Variants in TANK observed in about 807,000 individuals in gnomAD.
The protein encoded by TANK is TRAF family member associated NFKB activator.
A neutral mutation model predicts 43.6 loss-of-function variants in TANK; 15 were observed. The observed-to-expected ratio is 0.34, with a 90% CI of 0.23 to 0.53. The LOEUF (loss-of-function observed/expected upper bound fraction) is 0.53, where lower values mean the gene tolerates loss of function less well. TANK is among the 20% of genes least tolerant of loss of function. The pLI, the probability that TANK is intolerant of heterozygous loss-of-function variation, is 0.94. For synonymous variants in TANK, 162 were observed against 178.2 expected, an observed-to-expected ratio of 0.91 and a Z score of 0.73; for missense variants, 417 against 498.6, an observed-to-expected ratio of 0.84 and a Z score of 1.56.
chr2:161,147,091 G>A (rs1309160226), intron 1 of TANK, among the ~76,000 whole-genome samples: 1 of 152,174 alleles, frequency 6.6e-6, no homozygotes, highest in African/African-American at 2.4e-5. Context: ...GGCTTGAAGA[G>A]GGTCTGGCCG....
intron 1 of TANK, among the ~76,000 whole-genome samples, chr2:161,167,780 G>A (rs1485984533): frequency 6.6e-6 from 1 of 151,830 alleles, no homozygotes; most frequent in Non-Finnish European, 1.5e-5. Flanking sequence ...CCGCCACCAC[G>A]ACCGGCTAAT....
At chr2:161,149,239 T>G (rs527757328) in intron 1 of TANK, among the ~76,000 whole-genome samples, 136 of 152,320 alleles carry the variant, frequency 8.9e-4, no homozygotes, top group African/African-American at 3.1e-3. Context: ...GGCATTTTCT[T>G]TTTTGGATGC....
At chr2:161,234,801 G>C (rs1254555041) in intron 7 of TANK, among the ~76,000 whole-genome samples, 1 of 152,168 alleles carries the variant, frequency 6.6e-6, no homozygotes, top group Non-Finnish European at 1.5e-5. Context: ...TTGTTCAGTA[G>C]TTTAAAAGGA....
At chr2:161,235,040 C>G (rs1466692770) in intron 7 of TANK, among the ~76,000 whole-genome samples, 1 of 148,740 alleles carries the variant, frequency 6.7e-6, no homozygotes, top group African/African-American at 2.6e-5. Context: ...TGTTCCAAAA[C>G]TACTGCTGTT....
intron 2 of TANK, among the ~76,000 whole-genome samples, chr2:161,196,058 G>A (rs1006067524): frequency 4.6e-5 from 7 of 152,092 alleles, no homozygotes; most frequent in Non-Finnish European, 1.0e-4. Context: ...GCACTCCAGT[G>A]AGCAAGACAG....
At chr2:161,186,722 A>G (rs149057602) in intron 2 of TANK, among the ~76,000 whole-genome samples, 1 of 152,308 alleles carries the variant, frequency 6.6e-6, no homozygotes, top group East Asian at 1.9e-4. Context: ...CAAAAGAAAC[A>G]ATCAACAAAG....
At chr2:161,169,152 G>A (rs1452522553) in intron 1 of TANK, among the ~76,000 whole-genome samples, 1 of 152,154 alleles carries the variant, frequency 6.6e-6, no homozygotes, top group Non-Finnish European at 1.5e-5. Context: ...CAAATTCAAG[G>A]TAAAGAAGGT....
At chr2:161,211,882 T>C in intron 4 of TANK, 1 of 985,266 alleles carries the variant, frequency 1.0e-6, no homozygotes, top group Non-Finnish European at 1.2e-6. Flanking sequence ...CCTGGTTTTC[T>C]TTCTAGAAAC....
intron 4 of TANK, chr2:161,207,817 T>G: frequency 1.0e-6 from 1 of 985,444 alleles, no homozygotes; most frequent in Non-Finnish European, 1.2e-6. Flanking sequence ...TTGCAGTTTT[T>G]TAAAAGTATG....
chr2:161,207,982 A>T, intron 4 of TANK: 1 of 855,494 alleles, frequency 1.2e-6, no homozygotes, highest in Non-Finnish European at 1.4e-6. Flanking sequence ...CCTAGCTTCT[A>T]TAATGAATTA....
rs1165211947 is a variant in TANK at position 161,223,965 on chromosome 2, T to C, written c.378T>C (p.Ser126=). ...CTAGAAAAGAAACTTCAGCAAGGAG[T>C]CTTGGCAGTCCTTTGCTCCATGAAA... ...SSPRKETSAR[S]LGSPLLHERG... The change falls in exon 5 of 8, where the codon AGT becomes AGC. Residue 126 remains serine (S), a synonymous_variant. Coordinates refer to ENST00000392749, the MANE Select transcript of TANK (RefSeq NM_001199135.3). 1 of 1,601,686 alleles carries C rather than the reference T, an allele frequency of 6.2e-7. No individual in the cohort carries two copies. The highest frequency in any genetic ancestry group is 8.5e-7 in the Non-Finnish European group (1 of 1,171,906).
intron 1 of TANK, among the ~76,000 whole-genome samples, chr2:161,149,706 T>C (rs1684017773): frequency 6.6e-6 from 1 of 151,912 alleles, no homozygotes. Context: ...TTGGTTTTTT[T>C]CAAATGCCTT....
At chr2:161,197,450 G>T (rs1258717942) in intron 2 of TANK, 2 of 152,236 alleles carry the variant, frequency 1.3e-5, no homozygotes, top group Admixed American at 1.3e-4. Flanking sequence ...GTGATAACCA[G>T]AGCTTTTGTT....
chr2:161,229,451 A>G (rs1687797679), intron 6 of TANK, among the ~76,000 whole-genome samples: 1 of 152,208 alleles, frequency 6.6e-6, no homozygotes, highest in South Asian at 2.1e-4. Context: ...AGTGAAGAGA[A>G]CAGATTGGAT....
At chr2:161,194,708 A>G (rs533901737) in intron 2 of TANK, among the ~76,000 whole-genome samples, 2 of 152,286 alleles carry the variant, frequency 1.3e-5, no homozygotes, top group East Asian at 3.9e-4. Context: ...GGCTTATGCT[A>G]CCTCTAAAAG....
intron 1 of TANK, among the ~76,000 whole-genome samples, chr2:161,143,495 G>C (rs1683811912): frequency 2.0e-5 from 3 of 152,034 alleles, no homozygotes; most frequent in Admixed American, 2.0e-4. Flanking sequence ...TTCCATCAAT[G>C]CCTAGTTTAT....
intron 1 of TANK, chr2:161,161,082 C>G (rs894349178): frequency 1.7e-5 from 15 of 878,970 alleles, no homozygotes; most frequent in Admixed American, 3.0e-5. Flanking sequence ...CAACCCCGCC[C>G]ACAGTGGGAA....
rs781289161 is a variant in TANK at position 161,161,267 on chromosome 2, G to A, written c.-50+781G>A. 7.5e-5 allele frequency: 116 copies of A among 1,550,374 alleles called. 1 individual carries two copies. The highest frequency in any genetic ancestry group is 6.7e-4 in the Middle Eastern group (4 of 5,992). On this transcript the variant is annotated intron_variant, in intron 1 of 7. Coordinates refer to ENST00000392749, the MANE Select transcript of TANK (RefSeq NM_001199135.3). Reference sequence around the variant, plus strand: ...AAGCAGCCTTGCTATGTAAAGTGGTGTTTATCTCACCTCACAGGAGATGCT... The same window carrying A: ...AAGCAGCCTTGCTATGTAAAGTGGTATTTATCTCACCTCACAGGAGATGCT...
intron 1 of TANK, among the ~76,000 whole-genome samples, chr2:161,174,464 G>T (rs530707830): frequency 4.6e-5 from 7 of 152,074 alleles, no homozygotes; most frequent in African/African-American, 1.7e-4. Flanking sequence ...CTAGCAACTG[G>T]TTTGCAATCA....
Sources: gnomAD v4.1 joint callset for allele counts (sites outside exome capture counted in the v4.1 genomes callset) on GRCh38, gnomAD v4.1.1 for gene constraint, MANE v1.5 for transcripts, NCBI Gene and HGNC (gene_info 2026-07-23, HGNC 2026-07-21) for gene names.